Variants in RAB3C observed in about 807,000 individuals in gnomAD.
RAB3C encodes RAB3C, member RAS oncogene family, also known as ras-related protein Rab-3C.
In RAB3C, 17 loss-of-function variants were observed where a neutral mutation model predicts 26.4. That is an observed-to-expected ratio of 0.64 (90% CI 0.44 to 0.97). The LOEUF (loss-of-function observed/expected upper bound fraction) is 0.97, where lower values mean the gene tolerates loss of function less well. Among genes scored for constraint, RAB3C ranks in the 50% least tolerant of loss-of-function variants. The probability of loss-of-function intolerance (pLI) is 0.00; values close to 1 mark genes in which losing one functional copy is unlikely to be tolerated. For missense variants in RAB3C, 242 were observed against 281.9 expected (o/e 0.86, Z 1.01); for synonymous variants, 91 against 95.9 (o/e 0.95, Z 0.30).
intron 1 of RAB3C, among the ~76,000 whole-genome samples, chr5:58,586,643 A>G (rs1297422082): frequency 6.6e-6 from 1 of 152,108 alleles, no homozygotes; most frequent in Non-Finnish European, 1.5e-5. Flanking sequence ...TGTTATCCAC[A>G]AGCTTTTGGG....
intron 2 of RAB3C, among the ~76,000 whole-genome samples, chr5:58,720,991 A>C (rs560957035): frequency 1.3e-5 from 2 of 151,984 alleles, no homozygotes; most frequent in South Asian, 2.1e-4. Context: ...AGAAGGTTTT[A>C]AGAATTCAGT....
chr5:58,621,234 A>C (rs1447191810), intron 2 of RAB3C, among the ~76,000 whole-genome samples: 1 of 152,218 alleles, frequency 6.6e-6, no homozygotes, highest in Non-Finnish European at 1.5e-5. Context: ...GGGTTGAAAC[A>C]CTATACCATT....
chr5:58,850,729 A>G (rs1453016902), intron 4 of RAB3C, among the ~76,000 whole-genome samples: 1 of 152,232 alleles, frequency 6.6e-6, no homozygotes, highest in Non-Finnish European at 1.5e-5. Context: ...AAATAATGCC[A>G]TGAAAAGATT....
intron 2 of RAB3C, among the ~76,000 whole-genome samples, chr5:58,648,801 G>T (rs2111781914): frequency 6.6e-6 from 1 of 152,278 alleles, no homozygotes; most frequent in Middle Eastern, 3.4e-3. Flanking sequence ...GGAGGTTAAT[G>T]CAATAAAATT....
chr5:58,779,686 C>A (rs1283789040), intron 3 of RAB3C, among the ~76,000 whole-genome samples: 1 of 152,030 alleles, frequency 6.6e-6, no homozygotes, highest in African/African-American at 2.4e-5. Flanking sequence ...CTCTTCCCAG[C>A]CTTTACGATA....
chr5:58,784,911 A>G (rs937175189), intron 3 of RAB3C: 2 of 152,198 alleles, frequency 1.3e-5, no homozygotes, highest in Non-Finnish European at 2.9e-5. Flanking sequence ...TGGCTTATCC[A>G]TGTGTCTGGT....
rs117711083 is a variant in RAB3C at position 58,595,155 on chromosome 5, T to C, written c.24+11923T>C. On this transcript the variant is annotated intron_variant, in intron 1 of 4. Coordinates refer to ENST00000282878, the MANE Select transcript of RAB3C (RefSeq NM_138453.4). ...TTCCACAGAGTTTAGCAGAGCAGAG[T>C]TGCATAGCTTTGAGAACATATTTAC... 3.7e-4 allele frequency among the ~76,000 whole-genome samples: 56 copies of C among 152,200 alleles called. 1 individual carries two copies. The East Asian group carries it at 0.011, about 29-fold the overall frequency.
chr5:58,617,949 T>C (rs1746860497), intron 2 of RAB3C, 79 bp downstream of exon 2: 5 of 873,778 alleles, frequency 5.7e-6, no homozygotes, highest in African/African-American at 1.7e-5. Context: ...ACTTTCTGCC[T>C]TGTTCTATCC....
chr5:58,813,627 TATATATAC>T (rs1743144230), intron 3 of RAB3C, among the ~76,000 whole-genome samples: 5 of 11,682 alleles, frequency 4.3e-4, no homozygotes, highest in Non-Finnish European at 1.3e-3. Flanking sequence ...TATATATATA[TATATATAC>T]ACACACACAC....
intron 3 of RAB3C, among the ~76,000 whole-genome samples, chr5:58,743,859 C>T (rs6895906): frequency 2.0e-5 from 3 of 151,992 alleles, no homozygotes; most frequent in African/African-American, 4.8e-5. Flanking sequence ...ACTTTCATGT[C>T]GAGTGTTAAT....
At chr5:58,750,947 C>T (rs898703867) in intron 3 of RAB3C, among the ~76,000 whole-genome samples, 2 of 151,990 alleles carry the variant, frequency 1.3e-5, no homozygotes, top group East Asian at 1.9e-4. Flanking sequence ...CTCCACCTCC[C>T]GGGTTCAAGA....
At chr5:58,729,407 C>T (rs898465123) in intron 3 of RAB3C, among the ~76,000 whole-genome samples, 1 of 151,860 alleles carries the variant, frequency 6.6e-6, no homozygotes, top group Non-Finnish European at 1.5e-5. Context: ...AACTCCCCAT[C>T]ACTCTCTCCC....
At chr5:58,790,029 T>C (rs1742487424) in intron 3 of RAB3C, among the ~76,000 whole-genome samples, 1 of 152,214 alleles carries the variant, frequency 6.6e-6, no homozygotes, top group African/African-American at 2.4e-5. Context: ...GATCCTAATA[T>C]GTAGCCAAAT....
intron 2 of RAB3C, among the ~76,000 whole-genome samples, chr5:58,697,728 C>A (rs753256521): frequency 1.3e-5 from 2 of 151,866 alleles, no homozygotes; most frequent in African/African-American, 2.4e-5. Context: ...CTGTTTTATC[C>A]GAGACTAGGA....
upstream of RAB3C, among the ~76,000 whole-genome samples, chr5:58,582,641 T>G (rs1745922446): frequency 1.3e-5 from 2 of 152,102 alleles, no homozygotes; most frequent in Non-Finnish European, 2.9e-5. Flanking sequence ...ACGTAGAAAC[T>G]TTCCCGATTC....
intron 2 of RAB3C, among the ~76,000 whole-genome samples, chr5:58,636,179 T>G (rs1579829642): frequency 6.6e-6 from 1 of 152,196 alleles, no homozygotes; most frequent in East Asian, 1.9e-4. Context: ...CAAAACATAC[T>G]TGTTCACCTG....
intron 4 of RAB3C, among the ~76,000 whole-genome samples, chr5:58,831,480 C>G (rs1053932645): frequency 1.3e-5 from 2 of 152,144 alleles, no homozygotes; most frequent in Non-Finnish European, 2.9e-5. Context: ...TATAAGAAAC[C>G]TCTGGAAATT....
intron 4 of RAB3C, among the ~76,000 whole-genome samples, chr5:58,827,348 A>G (rs1006670978): frequency 1.3e-5 from 2 of 152,230 alleles, no homozygotes; most frequent in African/African-American, 2.4e-5. Flanking sequence ...GGCTGTCTCT[A>G]TGAATAAAAA....
intron 3 of RAB3C, among the ~76,000 whole-genome samples, chr5:58,770,803 A>T (rs1742016174): frequency 6.6e-6 from 1 of 152,134 alleles, no homozygotes; most frequent in South Asian, 2.1e-4. Flanking sequence ...GTGTTATTTT[A>T]TACCTTCTTA....
Sources: gnomAD v4.1 joint callset for allele counts (sites outside exome capture counted in the v4.1 genomes callset) on GRCh38, gnomAD v4.1.1 for gene constraint, MANE v1.5 for transcripts, NCBI Gene and HGNC (gene_info 2026-07-23, HGNC 2026-07-21) for gene names.